Variants in NPIPB11 observed in about 807,000 individuals in gnomAD.
NPIPB11 encodes the protein nuclear pore complex interacting protein family member B11, also known as nuclear pore complex-interacting protein family member B11.
NPIPB11 carries 17 observed loss-of-function variants against 32.8 expected under a neutral mutation model. That is an observed-to-expected ratio of 0.52 (90% confidence interval 0.35 to 0.78). NPIPB11 has a LOEUF of 0.78. Among genes scored for constraint, NPIPB11 ranks in the 30% least tolerant of loss-of-function variants. The probability of loss-of-function intolerance (pLI) is 0.01; values close to 1 mark genes in which losing one functional copy is unlikely to be tolerated. For synonymous variants in NPIPB11, 209 were observed against 398.4 expected (o/e 0.52, Z 5.66); for missense variants, 537 against 1,000.4 (o/e 0.54, Z 6.25).
chr16:29,400,738 G>T (rs1963968880), intron 2 of NPIPB11, among the ~76,000 whole-genome samples: 1 of 152,114 alleles, frequency 6.6e-6, no homozygotes, highest in Admixed American at 6.5e-5. Context: ...TCCCCAGGGG[G>T]CAGGTCCATC....
intron 2 of NPIPB11, among the ~76,000 whole-genome samples, chr16:29,400,007 G>A (rs1034895097): frequency 1.3e-5 from 2 of 151,906 alleles, no homozygotes; most frequent in African/African-American, 4.8e-5. Context: ...AACCCAGGAG[G>A]TGGAGGTTGC....
intron 3 of NPIPB11, 44 bp from the exon 4 acceptor site, chr16:29,390,392 C>A: frequency 6.3e-7 from 1 of 1,589,052 alleles, no homozygotes; most frequent in Non-Finnish European, 8.5e-7. Context: ...CACGGTGGCT[C>A]ATGCGTATAA....
At chr16:29,393,581 CAG>C (rs1963773751) in intron 3 of NPIPB11, among the ~76,000 whole-genome samples, 1 of 151,024 alleles carries the variant, frequency 6.6e-6, no homozygotes, top group Non-Finnish European at 1.5e-5. Flanking sequence ...AGTGAATCTT[CAG>C]AGAGGAGATT....
chr16:29,391,903 T>C (rs2142126766), intron 3 of NPIPB11, among the ~76,000 whole-genome samples: 1 of 152,036 alleles, frequency 6.6e-6, no homozygotes, highest in East Asian at 1.9e-4. Context: ...GTCTTTTTAG[T>C]AGAGATGGGG....
exon 8 of NPIPB11, chr16:29,384,189 G>T (rs758541858): frequency 6.4e-7 from 1 of 1,562,758 alleles, no homozygotes; most frequent in Non-Finnish European, 8.5e-7. Flanking sequence ...AGTTGGAGGA[G>T]GTGGCTGGTG....
At chr16:29,393,906 T>C (rs752231467) in intron 3 of NPIPB11, 42 bp downstream of exon 3, 3 of 1,469,596 alleles carry the variant, frequency 2.0e-6, no homozygotes, top group Non-Finnish European at 2.7e-6. Context: ...TATTCTTATT[T>C]GTGATTACAA....
upstream of NPIPB11, among the ~76,000 whole-genome samples, chr16:29,405,890 G>C (rs1784250967): frequency 6.6e-6 from 1 of 152,226 alleles, no homozygotes; most frequent in Admixed American, 6.5e-5. Flanking sequence ...CACTCTTCCT[G>C]TGTCGATTCA....
rs1963786956 is a variant in NPIPB11 at position 29,394,017 on chromosome 16, C to T, written c.180G>A (p.Trp60Ter). ...TCGGAAACGCAATAATAATATGTAA[C>T]CAAGGACTTCCACCAAAGTCAGTCC... Residue 60 changes from tryptophan (W) to a stop codon, truncating the protein, a stop_gained, in exon 3 of 8, where the codon TGG becomes TGA. Coordinates refer to ENST00000524087, the Ensembl canonical transcript of NPIPB11. LOFTEE classifies it high-confidence loss of function. 1.3e-6 allele frequency: 2 copies of T among 1,599,412 alleles called. No individual in the cohort carries two copies. Among genetic ancestry groups the T allele is most frequent in the Non-Finnish European group, 1.7e-6 (2 of 1,179,812 alleles).
At chr16:29,397,401 G>T (rs1963883722) in intron 2 of NPIPB11, among the ~76,000 whole-genome samples, 1 of 151,196 alleles carries the variant, frequency 6.6e-6, no homozygotes, top group Non-Finnish European at 1.5e-5. Flanking sequence ...TGTAGAGATG[G>T]GGTTTCGCCA....
chr16:29,399,400 C>G (rs1426923540), intron 2 of NPIPB11, among the ~76,000 whole-genome samples: 1 of 149,296 alleles, frequency 6.7e-6, no homozygotes, highest in African/African-American at 2.5e-5. Context: ...AAGAAACAAG[C>G]AAAACAAAAA....
At chr16:29,393,587 G>A (rs1371395135) in intron 3 of NPIPB11, among the ~76,000 whole-genome samples, 10 of 150,816 alleles carry the variant, frequency 6.6e-5, no homozygotes, top group Non-Finnish European at 1.0e-4. Context: ...TCTTCAGAGA[G>A]GAGATTGGAA....
At chr16:29,399,318 TA>T (rs1170959411) in intron 2 of NPIPB11, among the ~76,000 whole-genome samples, 2 of 150,372 alleles carry the variant, frequency 1.3e-5, no homozygotes, top group Non-Finnish European at 3.0e-5. Flanking sequence ...AAGGTTATTG[TA>T]AACAGGAAAT....
chr16:29,383,115 C>G (rs188602020), exon 8 of NPIPB11: 10 of 1,591,368 alleles, frequency 6.3e-6, no homozygotes, highest in Non-Finnish European at 8.5e-6. Context: ...GGGGAGTGAG[C>G]TGACGCTCGG....
intron 3 of NPIPB11, among the ~76,000 whole-genome samples, chr16:29,392,733 AAG>A (rs1212009149): frequency 2.8e-5 from 4 of 141,302 alleles, no homozygotes; most frequent in East Asian, 2.1e-4. Context: ...AAAAAAAAAA[AAG>A]AAAAAAGCTT....
At chr16:29,383,361 G>A in exon 8 of NPIPB11, 8 of 1,240,506 alleles carry the variant, frequency 6.4e-6, no homozygotes, top group Non-Finnish European at 8.5e-6. Context: ...TGGAAGGGGA[G>A]TGAGCTGACG....
At chr16:29,406,507 C>T (rs576258730), upstream of NPIPB11, among the ~76,000 whole-genome samples, 26 of 152,278 alleles carry the variant, frequency 1.7e-4, no homozygotes, top group African/African-American at 4.8e-4. Flanking sequence ...CACCTGAGGT[C>T]GGGAGTTCCA....
At chr16:29,390,540 C>A (rs1246476366) in intron 3 of NPIPB11, among the ~76,000 whole-genome samples, 192 bp from the exon 4 acceptor site, 1 of 151,480 alleles carries the variant, frequency 6.6e-6, no homozygotes, top group Non-Finnish European at 1.5e-5. Context: ...GTAATCCAAG[C>A]TACTCGGGAG....
chr16:29,383,184 G>A (rs777430790), exon 8 of NPIPB11: 21 of 1,592,860 alleles, frequency 1.3e-5, no homozygotes, highest in African/African-American at 2.8e-5. Context: ...ATGCTCGGCA[G>A]GTGTCTTGAT....
chr16:29,406,610 A>G (rs1202346651), upstream of NPIPB11, among the ~76,000 whole-genome samples: 2 of 152,150 alleles, frequency 1.3e-5, no homozygotes, highest in Non-Finnish European at 2.9e-5. Flanking sequence ...GCTACTCGGG[A>G]GGCTGAGACA....
Sources: gnomAD v4.1 joint callset for allele counts (sites outside exome capture counted in the v4.1 genomes callset) on GRCh38, gnomAD v4.1.1 for gene constraint, MANE v1.5 for transcripts, NCBI Gene and HGNC (gene_info 2026-07-23, HGNC 2026-07-21) for gene names.